Variants in PGS1 observed in about 807,000 individuals in gnomAD.
The protein encoded by PGS1 is phosphatidylglycerophosphate synthase 1, also known as CDP-diacylglycerol--glycerol-3-phosphate 3-phosphatidyltransferase, mitochondrial.
Under a neutral mutation model 58.3 loss-of-function variants are expected in PGS1, and 44 were observed. That is an observed-to-expected ratio of 0.75 (90% CI 0.59 to 0.97). The LOEUF (loss-of-function observed/expected upper bound fraction) is 0.97. Among genes scored for constraint, PGS1 ranks in the 50% least tolerant of loss-of-function variants. PGS1 has a pLI of 0.00. For synonymous variants in PGS1, 330 were observed against 311.0 expected (o/e 1.06, Z -0.64); for missense variants, 684 against 731.1 (o/e 0.94, Z 0.74).
intron 3 of PGS1, among the ~76,000 whole-genome samples, chr17:78,397,633 C>T (rs1421013045): frequency 1.3e-5 from 2 of 151,252 alleles, no homozygotes; most frequent in Admixed American, 6.6e-5. Context: ...CGGGGTTTCT[C>T]CATGTTGGTC....
chr17:78,421,714 A>G (rs933629252), intron 9 of PGS1: 2 of 152,282 alleles, frequency 1.3e-5, no homozygotes, highest in African/African-American at 4.8e-5. Flanking sequence ...CTGTGGGACC[A>G]GAGTAAATAT....
At chr17:78,409,886 G>A (rs1022009845) in intron 7 of PGS1, among the ~76,000 whole-genome samples, 5 of 152,190 alleles carry the variant, frequency 3.3e-5, no homozygotes, top group Admixed American at 1.3e-4. Flanking sequence ...CAAGGTAGGC[G>A]GATCACCTGA....
chr17:78,421,915 G>GGCC (rs1003833353), intron 9 of PGS1: 5 of 152,056 alleles, frequency 3.3e-5, no homozygotes, highest in African/African-American at 7.3e-5. Flanking sequence ...GGCGGGCGGC[G>GGCC]GCCGCCGCAG....
chr17:78,381,193 T>C (rs569793544), intron 1 of PGS1, among the ~76,000 whole-genome samples: 13 of 152,262 alleles, frequency 8.5e-5, no homozygotes, highest in Non-Finnish European at 1.2e-4. Flanking sequence ...GTGGAGATAG[T>C]CTAAATTGAC....
chr17:78,383,943 G>A (rs1374478918), intron 1 of PGS1, among the ~76,000 whole-genome samples: 1 of 152,190 alleles, frequency 6.6e-6, no homozygotes, highest in Non-Finnish European at 1.5e-5. Flanking sequence ...TAATCCCTTT[G>A]TAATAGCGTG....
chr17:78,403,800 C>T lies in PGS1; in HGVS notation c.1113C>T (p.Thr371=). ...EIQIDEIVTE[T]LLTEAERGAK... Reference sequence around the variant, plus strand: ...AAATCGATGAGATTGTCACTGAGACCCTGTTGACTGAGGCGGAGCGCGGGG... The same window carrying T: ...AAATCGATGAGATTGTCACTGAGACTCTGTTGACTGAGGCGGAGCGCGGGG... Residue 371 remains threonine, a synonymous_variant, in exon 7 of 10, where the codon ACC becomes ACT. Coordinates refer to ENST00000262764, the MANE Select transcript of PGS1 (RefSeq NM_024419.5). 1.2e-6 allele frequency: 2 copies of T among 1,614,224 alleles called. No homozygotes were observed. The highest frequency in any genetic ancestry group is 1.7e-6 in the Non-Finnish European group (2 of 1,180,042).
chr17:78,387,521 A>G (rs1234356337), intron 1 of PGS1, among the ~76,000 whole-genome samples: 1 of 125,586 alleles, frequency 8.0e-6, no homozygotes, highest in Non-Finnish European at 1.7e-5. Flanking sequence ...CTGGTCTTGA[A>G]CTCCTGACCT....
chr17:78,384,979 C>T lies in PGS1; in HGVS notation c.143+6171C>T, dbSNP rs150412404. On this transcript the variant is annotated intron_variant, in intron 1 of 9. Transcript: ENST00000262764. ...GCGGGCGCCCGGTAGGGCCTCCAGGCGCTGTTGACACGCGCTGAGGAGAAA... is the reference window on the plus strand; with the variant it reads ...GCGGGCGCCCGGTAGGGCCTCCAGGTGCTGTTGACACGCGCTGAGGAGAAA... Among the ~76,000 whole-genome samples, 222 of 152,354 alleles carry T rather than the reference C, an allele frequency of 1.5e-3. 3 individuals are homozygous for T. Among genetic ancestry groups the T allele is most frequent in the African/African-American group, 5.1e-3 (212 of 41,572 alleles).
At chr17:78,386,608 A>G (rs1287821699) in intron 1 of PGS1, among the ~76,000 whole-genome samples, 1 of 152,104 alleles carries the variant, frequency 6.6e-6, no homozygotes, top group African/African-American at 2.4e-5. Context: ...TTTTTGGTAA[A>G]ATAACCACAG....
chr17:78,416,830 C>G (rs1343673943), intron 8 of PGS1, among the ~76,000 whole-genome samples: 1 of 152,144 alleles, frequency 6.6e-6, no homozygotes, highest in Non-Finnish European at 1.5e-5. Flanking sequence ...CTCCTGAGCC[C>G]TACAGTGCCC....
intron 1 of PGS1, among the ~76,000 whole-genome samples, chr17:78,382,128 A>T (rs2082077469): frequency 6.6e-6 from 1 of 152,100 alleles, no homozygotes; most frequent in South Asian, 2.1e-4. Context: ...GGGGGAGTGG[A>T]TGTTCAAGAA....
intron 9 of PGS1, chr17:78,419,975 A>G (rs2085555192): frequency 4.2e-6 from 5 of 1,178,616 alleles, no homozygotes; most frequent in African/African-American, 1.6e-5. Context: ...GGGGGTCCTG[A>G]AGAAGCCCTG....
chr17:78,397,393 T>TCA (rs1182259718), intron 3 of PGS1, among the ~76,000 whole-genome samples: 55 of 151,250 alleles, frequency 3.6e-4, no homozygotes, highest in Non-Finnish European at 5.2e-4. Flanking sequence ...GGAGGTGCAG[T>TCA]GGGTTCACAC....
chr17:78,411,019 C>T (rs950729386), intron 7 of PGS1, among the ~76,000 whole-genome samples: 3 of 152,136 alleles, frequency 2.0e-5, no homozygotes, highest in Non-Finnish European at 1.5e-5. Context: ...CTACGAAGAG[C>T]AGAGCAAGAG....
intron 1 of PGS1, among the ~76,000 whole-genome samples, chr17:78,384,489 A>G (rs1045989437): frequency 6.6e-6 from 1 of 152,180 alleles, no homozygotes; most frequent in Non-Finnish European, 1.5e-5. Flanking sequence ...GTTTCTGAAA[A>G]TATTGCAATC....
chr17:78,396,860 G>A (rs953403528), intron 3 of PGS1, among the ~76,000 whole-genome samples: 1 of 152,372 alleles, frequency 6.6e-6, no homozygotes, highest in Non-Finnish European at 1.5e-5. Context: ...ATTCATTTGT[G>A]TATTGTCTGT....
Position 78,392,499 on chromosome 17 carries a change from C to T in PGS1, c.167C>T (p.Pro56Leu). The change falls in exon 2 of 10, where the codon CCC becomes CTC. Residue 56 changes from proline to leucine, a missense_variant. Coordinates refer to ENST00000262764, the MANE Select transcript of PGS1 (RefSeq NM_024419.5). The stretch of plus-strand genomic sequence containing the variant: ...AGGTCACCATGGCTGTTATTGGCTC[C>T]CTTGCTGTCCCCAGCTGTTCCCCAG... ...RRRSPWLLLAPLLSPAVPQVT... is the reference protein window; with the variant it reads ...RRRSPWLLLALLLSPAVPQVT... 6.2e-7 allele frequency: 1 copy of T among 1,612,994 alleles called. No homozygotes were observed. Among genetic ancestry groups the T allele is most frequent in the Non-Finnish European group, 8.5e-7 (1 of 1,179,582 alleles).
intron 7 of PGS1, among the ~76,000 whole-genome samples, chr17:78,404,633 G>A (rs1300339996): frequency 2.0e-5 from 3 of 152,070 alleles, no homozygotes; most frequent in Non-Finnish European, 4.4e-5. Context: ...AAGATGTGGT[G>A]ACATAACCTC....
chr17:78,424,007 G>A lies in PGS1; in HGVS notation c.*11-54G>A, dbSNP rs764725957. On this transcript the variant is annotated intron_variant, in intron 9 of 9. Coordinates refer to ENST00000262764, the MANE Select transcript of PGS1 (RefSeq NM_024419.5). ...CAGACATAGGTGGGGCCGCGGATGCGTGTTTTGTACACGGGACACTCATAG... is the reference window on the plus strand; with the variant it reads ...CAGACATAGGTGGGGCCGCGGATGCATGTTTTGTACACGGGACACTCATAG... 1.3e-5 allele frequency: 21 copies of A among 1,613,944 alleles called. No homozygotes were observed. Among genetic ancestry groups the A allele is most frequent in the South Asian group, 1.2e-4 (11 of 91,090 alleles).
Sources: gnomAD v4.1 joint callset for allele counts (sites outside exome capture counted in the v4.1 genomes callset) on GRCh38, gnomAD v4.1.1 for gene constraint, MANE v1.5 for transcripts, NCBI Gene and HGNC (gene_info 2026-07-23, HGNC 2026-07-21) for gene names.